Variants in EYA3 observed in about 807,000 individuals in gnomAD.
EYA3 encodes protein phosphatase EYA3.
Under a neutral mutation model 80.0 loss-of-function variants are expected in EYA3, and 39 were observed. The ratio of observed to expected loss-of-function variants is 0.49; its 90% CI spans 0.38 to 0.64. The LOEUF (loss-of-function observed/expected upper bound fraction) is 0.64, where lower values mean the gene tolerates loss of function less well. Among genes scored for constraint, EYA3 ranks in the 30% least tolerant of loss-of-function variants. The pLI is 0.00. For missense variants in EYA3, 523 were observed against 676.1 expected (o/e 0.77, Z 2.51); for synonymous variants, 206 against 232.8 (o/e 0.88, Z 1.05).
chr1:28,055,396 CA>C (rs1437181046), intron 2 of EYA3, among the ~76,000 whole-genome samples: 2 of 148,606 alleles, frequency 1.3e-5, no homozygotes, highest in African/African-American at 5.0e-5. Context: ...GATTGATAAG[CA>C]ATAAAGGGAA....
chr1:28,074,725 T>C (rs1645144513), intron 1 of EYA3, among the ~76,000 whole-genome samples: 1 of 152,192 alleles, frequency 6.6e-6, no homozygotes, highest in Non-Finnish European at 1.5e-5. Flanking sequence ...CTCTCCTATG[T>C]GTGGACCATA....
At chr1:28,018,767 C>T (rs1642235914) in intron 7 of EYA3, among the ~76,000 whole-genome samples, 1 of 152,216 alleles carries the variant, frequency 6.6e-6, no homozygotes, top group Non-Finnish European at 1.5e-5. Flanking sequence ...AACTTGTCCA[C>T]AGCAGCAAAA....
intron 11 of EYA3, among the ~76,000 whole-genome samples, chr1:28,001,950 T>C (rs975446233): frequency 3.4e-5 from 5 of 145,918 alleles, no homozygotes; most frequent in Admixed American, 2.7e-4. Context: ...AATTTCGCTC[T>C]TGTTGCCCAG....
intron 1 of EYA3, among the ~76,000 whole-genome samples, chr1:28,075,274 T>C (rs1645161367): frequency 6.6e-6 from 1 of 152,228 alleles, no homozygotes; most frequent in African/African-American, 2.4e-5. Context: ...GAACATCTCA[T>C]TTCCCAGCTT....
At chr1:28,006,934 C>CTT (rs58401673) in intron 10 of EYA3, among the ~76,000 whole-genome samples, 1,148 of 91,914 alleles carry the variant, frequency 0.012, 25 homozygotes, top group African/African-American at 0.026. Flanking sequence ...ATGACATAAT[C>CTT]TTTTTTTTTT....
intron 2 of EYA3, among the ~76,000 whole-genome samples, chr1:28,057,162 A>G (rs561802137): frequency 6.6e-6 from 1 of 152,310 alleles, no homozygotes; most frequent in East Asian, 1.9e-4. Flanking sequence ...AAATATATTA[A>G]AGGACTTTAT....
chr1:28,025,855 G>A (rs1223580062), intron 7 of EYA3, among the ~76,000 whole-genome samples: 1 of 152,178 alleles, frequency 6.6e-6, no homozygotes, highest in Non-Finnish European at 1.5e-5. Context: ...CCGCCTCACA[G>A]GTTCAAGCGA....
At chr1:28,012,294 T>C (rs1320417365) in intron 9 of EYA3, among the ~76,000 whole-genome samples, 2 of 152,246 alleles carry the variant, frequency 1.3e-5, no homozygotes, top group African/African-American at 4.8e-5. Context: ...CAAAGATATT[T>C]AGAAAAATGA....
intron 6 of EYA3, among the ~76,000 whole-genome samples, chr1:28,031,121 GGA>G (rs1158069736): frequency 6.6e-6 from 1 of 152,086 alleles, no homozygotes; most frequent in Non-Finnish European, 1.5e-5. Context: ...AAAATAAGTA[GGA>G]GATAGCTAGC....
chr1:28,047,446 T>G (rs984299648), intron 3 of EYA3, among the ~76,000 whole-genome samples: 6 of 152,152 alleles, frequency 3.9e-5, no homozygotes, highest in Non-Finnish European at 8.8e-5. Context: ...ATGGCAGTTC[T>G]AGAATAAATG....
At chr1:28,061,888 C>T (rs1466024776) in intron 1 of EYA3, among the ~76,000 whole-genome samples, 1 of 150,400 alleles carries the variant, frequency 6.6e-6, no homozygotes, top group Non-Finnish European at 1.5e-5. Flanking sequence ...TGTGAGCCAC[C>T]GCGCCCGGTC....
At chr1:28,049,186 G>A (rs953789451) in intron 2 of EYA3, among the ~76,000 whole-genome samples, 3 of 152,068 alleles carry the variant, frequency 2.0e-5, no homozygotes, top group Admixed American at 6.6e-5. Flanking sequence ...AGCGTATCAG[G>A]TGGAATCATA....
At chr1:28,011,276 A>T (rs1018160221) in intron 9 of EYA3, among the ~76,000 whole-genome samples, 190 bp from the exon 10 acceptor site, 5 of 152,210 alleles carry the variant, frequency 3.3e-5, no homozygotes, top group Non-Finnish European at 7.3e-5. Context: ...CTAACATCAG[A>T]AAAGTTATAA....
rs181616029 is a variant in EYA3, at chr1:27,977,382, T to C, written c.1641+992A>G. The C allele has an allele frequency of 2.0e-3, 3,055 of 1,550,180 alleles. 5 individuals are homozygous for C. The highest frequency in any genetic ancestry group is 3.6e-3 in the Admixed American group (185 of 50,952). On this transcript the variant is annotated intron_variant, in intron 17 of 17. Transcript: ENST00000373871. ...ACCCAATGCCTCCATGTCTAAGAAA[T>C]AGAGTTGCTGGAAGAAAATAAATTG...
chr1:28,027,928 T>C lies in EYA3; in HGVS notation c.362-2A>G. The C allele has an allele frequency of 6.2e-7, 1 of 1,614,064 alleles. No homozygotes were observed. Among genetic ancestry groups the C allele is most frequent in the Non-Finnish European group, 8.5e-7 (1 of 1,179,954 alleles). On this transcript the variant is annotated splice_acceptor_variant, in intron 6 of 17. Transcript: ENST00000373871. LOFTEE classifies it high-confidence loss of function. ...GTTTCATACCTGGCCACAATGCACC[T>C]GAATCAGATAAATTGGACCAATTAC...
rs934038570 is a variant in EYA3 at position 28,040,267 on chromosome 1, G to T, written c.158-1362C>A. 3.9e-5 allele frequency among the ~76,000 whole-genome samples: 6 copies of T among 152,222 alleles called. No homozygotes were observed. In the South Asian group the frequency reaches 1.2e-3, roughly 31 times the overall value. On this transcript the variant is annotated intron_variant, in intron 4 of 17. Coordinates refer to ENST00000373871, the MANE Select transcript of EYA3 (RefSeq NM_001990.4). ...GACATTCTGATGGATTTGATGTAGA[G>T]AATGAGGAAAACAACTAGACGGAGA...
At chr1:28,052,989 AC>A (rs1243170449) in intron 2 of EYA3, among the ~76,000 whole-genome samples, 10 of 151,704 alleles carry the variant, frequency 6.6e-5, no homozygotes, top group Non-Finnish European at 1.3e-4. Context: ...CCCCATCTCG[AC>A]AAAAAATTTA....
At chr1:28,085,438 G>GGTTTT (rs1348782835) in intron 1 of EYA3, among the ~76,000 whole-genome samples, 3 of 152,052 alleles carry the variant, frequency 2.0e-5, no homozygotes, top group African/African-American at 7.2e-5. Context: ...AACAGAGCAA[G>GGTTTT]GTTTTGTTTT....
intron 1 of EYA3, among the ~76,000 whole-genome samples, chr1:28,086,134 A>G (rs928485095): frequency 2.6e-5 from 4 of 152,190 alleles, no homozygotes; most frequent in African/African-American, 9.7e-5. Context: ...CTTTAATGGA[A>G]TTAACACTCG....
Sources: gnomAD v4.1 joint callset for allele counts (sites outside exome capture counted in the v4.1 genomes callset) on GRCh38, gnomAD v4.1.1 for gene constraint, MANE v1.5 for transcripts, NCBI Gene and HGNC (gene_info 2026-07-23, HGNC 2026-07-21) for gene names.